The following WRNIP1 variants were observed in gnomAD, a reference collection of about 807,000 sequenced individuals.
WRNIP1 encodes the protein WRN helicase interacting protein 1.
Under a neutral mutation model 56.1 loss-of-function variants are expected in WRNIP1, and 41 were observed. The ratio of observed to expected loss-of-function variants is 0.73; its 90% confidence interval spans 0.57 to 0.95. WRNIP1 has a LOEUF of 0.95. Ranked by LOEUF, WRNIP1 falls within the 40% of genes least tolerant of loss-of-function variation. The probability of loss-of-function intolerance (pLI) is 0.00; values close to 1 mark genes in which losing one functional copy is unlikely to be tolerated. For synonymous variants in WRNIP1, 547 were observed against 398.1 expected (o/e 1.37, Z -4.45); for missense variants, 1,170 against 939.4 (o/e 1.25, Z -3.21).
intron 4 of WRNIP1, among the ~76,000 whole-genome samples, chr6:2,780,334 A>C (rs1250401092): frequency 6.6e-6 from 1 of 152,180 alleles, no homozygotes; most frequent in South Asian, 2.1e-4. Context: ...GAGAGTCCTT[A>C]CTGGTTAGAG....
Position 2,785,987 on chromosome 6 carries a change from C to T in WRNIP1, c.*705C>T, listed in dbSNP as rs1765701607. The stretch of plus-strand genomic sequence containing the variant: ...GTAGTCCCATGCCCATTTTTTCCCA[C>T]TTGTCCTGGTTTCTTCTTGCAGCTC... On this transcript the variant is annotated 3_prime_UTR_variant, in exon 7 of 7. Transcript: ENST00000380773. The T allele has an allele frequency of 1.3e-5, 2 of 152,310 alleles. No individual in the cohort carries two copies. The highest frequency in any genetic ancestry group is 1.5e-5 in the Non-Finnish European group (1 of 68,090). The allele number at this position is 152,310 out of a possible 1,614,324, so 9.4% of individuals were successfully genotyped here.
intron 3 of WRNIP1, among the ~76,000 whole-genome samples, chr6:2,776,466 C>T (rs906976925): frequency 2.0e-5 from 3 of 152,146 alleles, no homozygotes; most frequent in Non-Finnish European, 1.5e-5. Flanking sequence ...AAGGGAGTGG[C>T]GCGAGCTCAG....
intron 1 of WRNIP1, among the ~76,000 whole-genome samples, chr6:2,766,952 TAA>T (rs1348280509): frequency 6.6e-6 from 1 of 152,272 alleles, no homozygotes; most frequent in Non-Finnish European, 1.5e-5. Flanking sequence ...TTCTTAAGAA[TAA>T]GTTTATTTAA....
At chr6:2,776,815 C>G (rs1232570869) in intron 3 of WRNIP1, among the ~76,000 whole-genome samples, 1 of 152,148 alleles carries the variant, frequency 6.6e-6, no homozygotes, top group African/African-American at 2.4e-5. Flanking sequence ...TAAATACATA[C>G]AAAAGACAAA....
intron 3 of WRNIP1, chr6:2,773,553 A>G: frequency 5.1e-6 from 5 of 985,402 alleles, no homozygotes; most frequent in Non-Finnish European, 6.0e-6. Flanking sequence ...TCCCAAAAAT[A>G]TTTGGATCAC....
chr6:2,770,059 T>C, intron 2 of WRNIP1, 61 bp from the exon 3 acceptor site: 2 of 1,604,106 alleles, frequency 1.2e-6, no homozygotes, highest in Non-Finnish European at 1.7e-6. Flanking sequence ...CCAACTTACA[T>C]AGGATTCTGC....
intron 3 of WRNIP1, chr6:2,773,473 A>G: frequency 1.0e-6 from 1 of 985,402 alleles, no homozygotes; most frequent in Non-Finnish European, 1.2e-6. Context: ...AGTGAAATAG[A>G]AAGCTCATTG....
intron 4 of WRNIP1, among the ~76,000 whole-genome samples, chr6:2,779,946 T>G (rs1449982343): frequency 6.6e-6 from 1 of 152,236 alleles, no homozygotes; most frequent in African/African-American, 2.4e-5. Context: ...TACTAAAAAA[T>G]AGTCATGGAT....
At chr6:2,769,075 T>C (rs116133450) in intron 2 of WRNIP1, among the ~76,000 whole-genome samples, 193 bp downstream of exon 2, 2,084 of 152,344 alleles carry the variant, frequency 0.014, 21 homozygotes, top group Middle Eastern at 0.034. Flanking sequence ...ATGCTTTCTC[T>C]ATCTGATAAA....
chr6:2,768,549 G>T (rs766000060), intron 1 of WRNIP1, 142 bp from the exon 2 acceptor site: 20 of 523,544 alleles, frequency 3.8e-5, no homozygotes, highest in African/African-American at 1.6e-4. Flanking sequence ...TGGTATTTTT[G>T]ATTGTTTCTG....
chr6:2,765,870 C>T lies in WRNIP1; in HGVS notation c.248C>T (p.Pro83Leu), dbSNP rs1413839938. 4.8e-6 allele frequency: 7 copies of T among 1,445,178 alleles called. No homozygotes were observed. Among genetic ancestry groups the T allele is most frequent in the Admixed American group, 2.4e-5 (1 of 41,066 alleles). The allele number at this position is 1,445,178 out of a possible 1,614,324, so 89.5% of individuals were successfully genotyped here. ...RLSESSALKQ[P>L]ATPTAAESSE... ...TCGGAGAGCTCGGCGCTGAAGCAGC[C>T]AGCCACCCCGACGGCAGCCGAGAGC... The change falls in exon 1 of 7, where the codon CCA (proline) becomes CTA (leucine). Residue 83 changes from proline to leucine, a missense_variant. Coordinates refer to ENST00000380773, the MANE Select transcript of WRNIP1 (RefSeq NM_020135.3).
chr6:2,783,751 T>G (rs3823104), intron 5 of WRNIP1, among the ~76,000 whole-genome samples, 190 bp downstream of exon 5: 84,771 of 149,944 alleles, frequency 0.57, 24,479 homozygotes, highest in East Asian at 0.79. Context: ...CAGTCGTTTA[T>G]TTCCTGGTGT....
At chr6:2,773,704 A>G (rs190049368) in intron 3 of WRNIP1, 2 of 985,130 alleles carry the variant, frequency 2.0e-6, no homozygotes, top group African/African-American at 1.7e-5. Flanking sequence ...ATCCTGCACT[A>G]CTTGCTGCTT....
intron 1 of WRNIP1, among the ~76,000 whole-genome samples, 175 bp from the exon 2 acceptor site, chr6:2,768,516 T>G (rs368695825): frequency 6.6e-6 from 1 of 152,218 alleles, no homozygotes; most frequent in African/African-American, 2.4e-5. Context: ...ATATTTTTGT[T>G]GTTGTTGTTT....
At chr6:2,766,552 C>T (rs745630076) in intron 1 of WRNIP1, 108 bp downstream of exon 1, 208 of 1,413,992 alleles carry the variant, frequency 1.5e-4, no homozygotes, top group Non-Finnish European at 1.9e-4. Flanking sequence ...CCTGCCTCTC[C>T]TGGATAAGGG....
At chr6:2,777,834 T>TA (rs1765468489) in intron 3 of WRNIP1, among the ~76,000 whole-genome samples, 1 of 152,200 alleles carries the variant, frequency 6.6e-6, no homozygotes, top group Admixed American at 6.5e-5. Context: ...GAGAGAATGC[T>TA]ACCATCAGGA....
In WRNIP1 at chr6:2,770,317, C is replaced by T; in HGVS notation, c.1212C>T (p.Ser404=). Residue 404 remains serine, a synonymous_variant, in exon 3 of 7, where the codon AGC becomes AGT. Coordinates refer to ENST00000380773, the MANE Select transcript of WRNIP1 (RefSeq NM_020135.3). ...NSLGIHVLDS[S]RPTDPLSHSS... is the part of the protein sequence containing the mutation. ...TGGGAATCCACGTCCTAGACTCTAG[C>T]CGTCCCACTGACCCTCTGAGCCACA... 6.2e-7 allele frequency: 1 copy of T among 1,614,200 alleles called. No homozygotes were observed. Among genetic ancestry groups the T allele is most frequent in the African/African-American group, 1.3e-5 (1 of 75,058 alleles).
chr6:2,776,776 G>A lies in WRNIP1; in HGVS notation c.1257-2487G>A, dbSNP rs146962235. Among the ~76,000 whole-genome samples, 195 of 152,224 alleles carry A rather than the reference G, an allele frequency of 1.3e-3. 1 individual carries two copies. Among genetic ancestry groups the A allele is most frequent in the African/African-American group, 4.4e-3 (184 of 41,546 alleles). ...CATGGTATATAAGGCTGCCCATCTC[G>A]TCACTGTCCAAAGAGCATGCCATGC... On this transcript the variant is annotated intron_variant, in intron 3 of 6. Coordinates refer to ENST00000380773, the MANE Select transcript of WRNIP1 (RefSeq NM_020135.3).
rs1470137358 is a variant in WRNIP1 at position 2,779,271 on chromosome 6, T to C, written c.1265T>C (p.Met422Thr). ...HSSNSSSEPA[M>T]FIEDKAVDTL... ...CCCTGCTTGTGTTTCAGGCCCGCCA[T>C]GTTCATAGAGGATAAAGCAGTAGAC... The change falls in exon 4 of 7, where the codon ATG (methionine) becomes ACG (threonine). Residue 422 changes from methionine (M) to threonine (T), a missense_variant. By Grantham distance (81) the Met-to-Thr change is moderately conservative. Transcript: ENST00000380773. The C allele has an allele frequency of 6.2e-7, 1 of 1,614,120 alleles. No individual in the cohort carries two copies. The highest frequency in any genetic ancestry group is 1.7e-5 in the Admixed American group (1 of 60,028).
Sources: allele counts gnomAD v4.1 joint callset (sites outside exome capture counted in the v4.1 genomes callset), GRCh38; gene constraint gnomAD v4.1.1; transcripts MANE v1.5; gene names NCBI Gene and HGNC (gene_info 2026-07-23, HGNC 2026-07-21).